The following NTRK2 variants were observed in gnomAD, a reference collection of about 807,000 sequenced individuals.
NTRK2 encodes the protein BDNF/NT-3 growth factors receptor.
Under a neutral mutation model 94.5 loss-of-function variants are expected in NTRK2, and 13 were observed. The ratio of observed to expected loss-of-function variants is 0.14; its 90% CI spans 0.09 to 0.22. NTRK2 has a LOEUF of 0.22. Among genes scored for constraint, NTRK2 ranks in the 10% least tolerant of loss-of-function variants. The probability of loss-of-function intolerance (pLI) is 1.00; values close to 1 mark genes in which losing one functional copy is unlikely to be tolerated. For synonymous variants in NTRK2, 372 were observed against 407.4 expected (o/e 0.91, Z 1.05); for missense variants, 639 against 1,071.2 (o/e 0.60, Z 5.63).
At chr9:84,919,957 G>A (rs2077511230) in intron 14 of NTRK2, among the ~76,000 whole-genome samples, 1 of 152,174 alleles carries the variant, frequency 6.6e-6, no homozygotes, top group South Asian at 2.1e-4. Context: ...CACGTAGTTA[G>A]TTGATGGCCA....
At chr9:84,960,133 A>G (rs1824725244) in intron 17 of NTRK2, among the ~76,000 whole-genome samples, 1 of 152,268 alleles carries the variant, frequency 6.6e-6, no homozygotes, top group African/African-American at 2.4e-5. Flanking sequence ...AACTTGGCTG[A>G]GCAAGGCCAG....
intron 13 of NTRK2, 65 bp downstream of exon 13, chr9:84,861,152 T>C: frequency 1.6e-6 from 2 of 1,231,854 alleles, no homozygotes; most frequent in South Asian, 2.4e-5. Flanking sequence ...CGGATGAAAA[T>C]GCTTAGACCC....
chr9:84,989,750 C>T (rs1230670332), intron 17 of NTRK2, among the ~76,000 whole-genome samples: 1 of 152,300 alleles, frequency 6.6e-6, no homozygotes, highest in East Asian at 1.9e-4. Context: ...TCTACCTCAT[C>T]AAGCCATTGC....
rs975085738 is a variant in NTRK2 at position 84,670,741 on chromosome 9, T to A, written c.-8T>A. On this transcript the variant is annotated 5_prime_UTR_variant, in exon 2 of 19. Coordinates refer to ENST00000277120, the MANE Select transcript of NTRK2 (RefSeq NM_006180.6). The stretch of plus-strand genomic sequence containing the variant: ...GACAGGCACTCGGGCTGGCACTGGC[T>A]GCTAGGGATGTCGTCCTGGATAAGG... 2 of 1,611,792 alleles carry A rather than the reference T, an allele frequency of 1.2e-6. No homozygotes were observed. The highest frequency in any genetic ancestry group is 2.7e-5 in the African/African-American group (2 of 74,882).
intron 6 of NTRK2, among the ~76,000 whole-genome samples, chr9:84,715,472 G>C (rs944199435): frequency 2.0e-5 from 3 of 152,136 alleles, no homozygotes; most frequent in Non-Finnish European, 4.4e-5. Flanking sequence ...GTCCCCTCCT[G>C]CTGTGAATTA....
intron 14 of NTRK2, among the ~76,000 whole-genome samples, chr9:84,911,854 AT>A (rs1054681304): frequency 3.3e-5 from 5 of 151,718 alleles, no homozygotes; most frequent in African/African-American, 1.2e-4. Flanking sequence ...TAGATTATTC[AT>A]TTGAAGTTTT....
At chr9:84,883,984 C>G (rs564331015) in intron 14 of NTRK2, among the ~76,000 whole-genome samples, 1 of 152,232 alleles carries the variant, frequency 6.6e-6, no homozygotes, top group Admixed American at 6.5e-5. Context: ...ATTGGGAGAT[C>G]ATTTTATTCC....
intron 12 of NTRK2, among the ~76,000 whole-genome samples, chr9:84,809,958 G>A (rs1470988174): frequency 5.3e-5 from 8 of 150,694 alleles, no homozygotes; most frequent in Non-Finnish European, 3.0e-5. Flanking sequence ...ACCAGTTAAA[G>A]TTAGCCAGTT....
intron 17 of NTRK2, among the ~76,000 whole-genome samples, chr9:84,964,644 T>C (rs147814567): frequency 1.2e-4 from 18 of 152,294 alleles, no homozygotes; most frequent in African/African-American, 4.3e-4. Flanking sequence ...CTCCCCAACT[T>C]AGGGAGCTTG....
At chr9:84,980,859 G>A (rs908793541) in intron 17 of NTRK2, among the ~76,000 whole-genome samples, 10 of 152,344 alleles carry the variant, frequency 6.6e-5, no homozygotes, top group African/African-American at 2.4e-4. Context: ...ATAAACTGGG[G>A]AAACGAAAGT....
At chr9:84,872,428 T>A in intron 14 of NTRK2, 1 of 1,076,434 alleles carries the variant, frequency 9.3e-7, no homozygotes, top group East Asian at 4.7e-5. Context: ...TCCCTAAAAT[T>A]CTGTCTTCCC....
intron 17 of NTRK2, among the ~76,000 whole-genome samples, chr9:84,968,208 C>T (rs1288191276): frequency 1.3e-5 from 2 of 152,180 alleles, no homozygotes; most frequent in Non-Finnish European, 2.9e-5. Flanking sequence ...GGCATCTGAG[C>T]TCCTGTTCTC....
intron 10 of NTRK2, among the ~76,000 whole-genome samples, chr9:84,742,727 GA>G (rs972239829): frequency 2.6e-4 from 33 of 125,902 alleles, no homozygotes; most frequent in East Asian, 9.0e-4. Context: ...TTAACCCCTT[GA>G]AAAAAAAAAT....
At chr9:84,734,517 C>T (rs1372850369) in intron 9 of NTRK2, among the ~76,000 whole-genome samples, 2 of 152,204 alleles carry the variant, frequency 1.3e-5, no homozygotes, top group Non-Finnish European at 2.9e-5. Context: ...TTGGCTATGT[C>T]CCCACACAAA....
intron 17 of NTRK2, among the ~76,000 whole-genome samples, chr9:84,960,823 G>A (rs1824827441): frequency 6.6e-6 from 1 of 152,192 alleles, no homozygotes; most frequent in African/African-American, 2.4e-5. Flanking sequence ...GCTGATAGAA[G>A]ATAAGTCTTA....
intron 2 of NTRK2, among the ~76,000 whole-genome samples, chr9:84,686,409 CAACA>C (rs2059717979): frequency 1.3e-5 from 2 of 152,210 alleles, no homozygotes; most frequent in Non-Finnish European, 2.9e-5. Context: ...ACCTGATCTC[CAACA>C]AACAAATAGG....
At chr9:84,891,596 T>G (rs1049282211) in intron 14 of NTRK2, among the ~76,000 whole-genome samples, 5 of 152,208 alleles carry the variant, frequency 3.3e-5, no homozygotes, top group African/African-American at 1.2e-4. Flanking sequence ...AGGATTTTCT[T>G]CTTTTCTCAG....
At chr9:84,864,391 A>G (rs1246549227) in intron 13 of NTRK2, among the ~76,000 whole-genome samples, 1 of 152,126 alleles carries the variant, frequency 6.6e-6, no homozygotes. Flanking sequence ...AAGGCTACAC[A>G]TTGGGTACGG....
intron 9 of NTRK2, among the ~76,000 whole-genome samples, chr9:84,733,376 G>A (rs904713523): frequency 2.6e-5 from 4 of 152,206 alleles, no homozygotes; most frequent in Non-Finnish European, 4.4e-5. Context: ...AGTTACTGAG[G>A]CAGGAAGAGT....
Sources: allele counts gnomAD v4.1 joint callset (sites outside exome capture counted in the v4.1 genomes callset), GRCh38; gene constraint gnomAD v4.1.1; transcripts MANE v1.5; gene names NCBI Gene and HGNC (gene_info 2026-07-23, HGNC 2026-07-21).